Variants in BCAP31 observed in about 807,000 individuals in gnomAD.
BCAP31 encodes B-cell receptor-associated protein 31.
For missense variants in BCAP31, 124 were observed against 193.0 expected (o/e 0.64, Z 2.12); for synonymous variants, 75 against 80.9 (o/e 0.93, Z 0.39).
intron 5 of BCAP31, 115 bp downstream of exon 5, chrX:153,703,844 T>C: frequency 9.3e-7 from 1 of 1,072,361 alleles, no homozygotes; most frequent in Non-Finnish European, 1.3e-6. Flanking sequence ...ACTCTGGCTT[T>C]TCAGGCACAT....
At chrX:153,709,014 G>C (rs1168696037) in intron 4 of BCAP31, among the ~76,000 whole-genome samples, 2 of 112,094 alleles carry the variant, frequency 1.8e-5, no homozygotes, top group African/African-American at 6.5e-5. Flanking sequence ...ACTAAGCGCA[G>C]GGCAAAGGGG....
Position 153,715,670 on chromosome X carries a change from C to A in BCAP31, c.213G>T (p.Arg71=), listed in dbSNP as rs1557049959. 3 of 1,209,691 alleles carry A rather than the reference C, an allele frequency of 2.5e-6. No individual in the cohort carries two copies. The Admixed American group carries it at 6.6e-5, about 26-fold the overall frequency. Residue 71 remains arginine, a synonymous_variant, in exon 4 of 8, where the codon CGG becomes CGT. Transcript: ENST00000345046. The stretch of plus-strand genomic sequence containing the variant: ...CCTTTTCCGTCACATCATCATACTT[C>A]CGAATTTCGCGCACGGCATCTGTGG... ...LLVIDAVREI[R]KYDDVTEKVN...
rs782297750 is a variant in BCAP31, at chrX:153,707,742, C to T, written c.342-3648G>A. On this transcript the variant is annotated intron_variant, in intron 4 of 7. Transcript: ENST00000345046. ...CCTCTGCATCCTCACACCCTCAACC[C>T]CCACCCAGGGCCCAAGCAATGCAGA... Among the ~76,000 whole-genome samples, 8 of 112,810 alleles carry T rather than the reference C, an allele frequency of 7.1e-5. No individual in the cohort carries two copies. In the South Asian group the frequency reaches 2.5e-3, roughly 36 times the overall value.
At chrX:153,723,063 TCCAGGGTCCA>T (rs2091678657) in intron 2 of BCAP31, 80 bp downstream of exon 2, 8 of 1,089,902 alleles carry the variant, frequency 7.3e-6, no homozygotes, top group Non-Finnish European at 9.9e-6. Context: ...GGGTCCCAAT[TCCAGGGTCCA>T]CCAGCTGCAC....
At chrX:153,721,039 C>T (rs189923384) in intron 2 of BCAP31, 67 bp from the exon 3 acceptor site, 1 of 980,700 alleles carries the variant, frequency 1.0e-6, no homozygotes, top group East Asian at 3.2e-5. Context: ...GGGCCCTGAG[C>T]AAAATGGAAA....
intron 6 of BCAP31, chrX:153,702,327 G>A: frequency 2.7e-6 from 1 of 368,821 alleles, no homozygotes; most frequent in African/African-American, 2.6e-5. Flanking sequence ...AAGAAACACA[G>A]AGGCCATCCC....
intron 4 of BCAP31, among the ~76,000 whole-genome samples, chrX:153,711,436 G>A (rs2091590539): frequency 8.9e-6 from 1 of 112,498 alleles, no homozygotes; most frequent in Admixed American, 9.4e-5. Context: ...CTGCATGCCA[G>A]CAGTACTGGA....
rs202026017 is a variant in BCAP31 at position 153,701,109 on chromosome X, GC to G, written c.703-135del. 10,601 of 559,641 alleles carry G rather than the reference GC, an allele frequency of 0.019. 847 individuals carry two copies. The African/African-American group carries it at 0.23, about 12-fold the overall frequency. The allele number at this position is 559,641 out of a possible 1,213,427, so 46.1% of individuals were successfully genotyped here. A position where few individuals can be genotyped will look rare whatever the true frequency, so the allele number is the denominator to read the frequency against. On this transcript the variant is annotated intron_variant, in intron 7 of 7. Coordinates refer to ENST00000345046, the MANE Select transcript of BCAP31 (RefSeq NM_001256447.2). Reference sequence around the variant, plus strand: ...CAACAGCTATTCAAGTGAACAAGGGGCCCCCTCCCCAGCTGCACCCAAAGGC... The same window carrying G: ...CAACAGCTATTCAAGTGAACAAGGGGCCCCTCCCCAGCTGCACCCAAAGGC...
intron 7 of BCAP31, among the ~76,000 whole-genome samples, chrX:153,701,665 AG>A (rs1310676742): frequency 1.8e-5 from 2 of 112,802 alleles, no homozygotes; most frequent in Non-Finnish European, 3.8e-5. Flanking sequence ...CCAGCACCCT[AG>A]GAAAGAAGGC....
At chrX:153,713,943 C>T (rs1464864702) in intron 4 of BCAP31, among the ~76,000 whole-genome samples, 1 of 82,231 alleles carries the variant, frequency 1.2e-5, no homozygotes, top group Non-Finnish European at 2.2e-5. Flanking sequence ...GGTGTGATCT[C>T]GGCTCACTGC....
intron 1 of BCAP31, 135 bp from the exon 2 acceptor site, chrX:153,723,423 T>G: frequency 8.8e-7 from 1 of 1,130,015 alleles, no homozygotes; most frequent in African/African-American, 1.8e-5. Flanking sequence ...TCTGATGCGC[T>G]GGCGGAAGCA....
rs782699686 is a variant in BCAP31, at chrX:153,702,985, A to C, written c.551T>G (p.Leu184Arg). 3.3e-6 allele frequency: 4 copies of C among 1,208,938 alleles called. No homozygotes were observed. The South Asian group carries it at 7.0e-5, about 21-fold the overall frequency. ...CTTTAGCTTCTGCAGGTCAGCCTTC[A>C]GGCTCCTGTTCTCTTCCTCCAACTT... ...EVKLEEENRS[L>R]KADLQKLKDE... Residue 184 changes from leucine to arginine, a missense_variant, in exon 6 of 8, where the codon CTG becomes CGG. By Grantham distance (102) the Leu-to-Arg change is moderately radical. Transcript: ENST00000345046.
At chrX:153,722,532 C>A (rs998332991) in intron 2 of BCAP31, among the ~76,000 whole-genome samples, 1 of 112,049 alleles carries the variant, frequency 8.9e-6, no homozygotes, top group Non-Finnish European at 1.9e-5. Context: ...GGTATCACAT[C>A]AAAGATAATT....
intron 4 of BCAP31, among the ~76,000 whole-genome samples, chrX:153,709,722 AAAGCCCAAC>A (rs1557048826): frequency 8.8e-6 from 1 of 113,114 alleles, no homozygotes; most frequent in Non-Finnish European, 1.9e-5. Flanking sequence ...TCTTGGCTAA[AAAGCCCAAC>A]AAGTTCAACC....
In BCAP31 at chrX:153,703,186, C is replaced by A. The variant is rs1262985692; in HGVS notation, c.478-128G>T. On this transcript the variant is annotated intron_variant, in intron 5 of 7. Coordinates refer to ENST00000345046, the MANE Select transcript of BCAP31 (RefSeq NM_001256447.2). ...ACACGCCCCTTCGGAAATGTCAACG[C>A]GGAACCGAGCCACCACTTGCTCCCA... The A allele has an allele frequency of 1.1e-5, 11 of 964,576 alleles. No individual in the cohort carries two copies. The Admixed American group carries it at 2.0e-4, about 18-fold the overall frequency. The allele number at this position is 964,576 out of a possible 1,213,427, so 79.5% of individuals were successfully genotyped here.
chrX:153,712,256 TAC>T (rs782568725), intron 4 of BCAP31, among the ~76,000 whole-genome samples: 38 of 110,672 alleles, frequency 3.4e-4, no homozygotes, highest in Non-Finnish European at 5.9e-4. Context: ...ACTCTGTCTC[TAC>T]AAAAAATTAA....
chrX:153,711,904 CAA>C (rs34508364), intron 4 of BCAP31, among the ~76,000 whole-genome samples: 3 of 68,033 alleles, frequency 4.4e-5, no homozygotes, highest in Non-Finnish European at 5.3e-5. Context: ...GACTCTGTCT[CAA>C]AAAAAAAAAA....
At chrX:153,702,858 G>C in intron 6 of BCAP31, 77 bp downstream of exon 6, 1 of 1,167,657 alleles carries the variant, frequency 8.6e-7, no homozygotes, top group Non-Finnish European at 1.1e-6. Flanking sequence ...TAATACTTTG[G>C]CACAAAATGG....
chrX:153,703,971 G>A lies in BCAP31; in HGVS notation c.465C>T (p.Asp155=), dbSNP rs368120095. 1 of 1,209,862 alleles carries A rather than the reference G, an allele frequency of 8.3e-7. No individual in the cohort carries two copies. Among genetic ancestry groups the A allele is most frequent in the African/African-American group, 1.7e-5 (1 of 57,288 alleles). The change falls in exon 5 of 8, where the codon GAC becomes GAT. Residue 155 remains aspartate (D), a synonymous_variant. Coordinates refer to ENST00000345046, the MANE Select transcript of BCAP31 (RefSeq NM_001256447.2). ...AAGCTGGGCTCACCTTCTTGAGCTG[G>A]TCATTCTCCTCCATGTACTTCTTGG... ...EAAKKYMEEN[D]QLKKGAAVDG...
Sources: allele counts gnomAD v4.1 joint callset (sites outside exome capture counted in the v4.1 genomes callset), GRCh38; gene constraint gnomAD v4.1.1; transcripts MANE v1.5; gene names NCBI Gene and HGNC (gene_info 2026-07-23, HGNC 2026-07-21).